POMGNT2: variants seen among roughly 807,000 people sequenced by gnomAD.
POMGNT2 encodes the protein protein O-linked-mannose beta-1,4-N-acetylglucosaminyltransferase 2.
In POMGNT2, 32 loss-of-function variants were observed where a neutral mutation model predicts 37.8. The ratio of observed to expected loss-of-function variants is 0.85; its 90% CI spans 0.64 to 1.14. The LOEUF (loss-of-function observed/expected upper bound fraction) is 1.14. Ranked by LOEUF, POMGNT2 falls within the 50% of genes most tolerant of loss-of-function variation. The pLI is 0.00. For synonymous variants in POMGNT2, 340 were observed against 336.8 expected, an observed-to-expected ratio of 1.01 and a Z score of -0.10; for missense variants, 705 against 780.6, an observed-to-expected ratio of 0.90 and a Z score of 1.15.
rs562762540 is a variant in POMGNT2 at position 43,085,508 on chromosome 3, C to T, written c.-105-3972G>A. The stretch of plus-strand genomic sequence containing the variant: ...AAACAGGAGTTTCTTTGCACAAGCT[C>T]TCTCTTTGCCTGCTGCCATTCACGT... On this transcript the variant is annotated intron_variant, in intron 1 of 1. Coordinates refer to ENST00000344697, the MANE Select transcript of POMGNT2 (RefSeq NM_032806.6). Among the ~76,000 whole-genome samples the T allele has an allele frequency of 7.5e-4, 104 of 138,824 alleles. 1 individual carries two copies. Among genetic ancestry groups the T allele is most frequent in the African/African-American group, 3.1e-3 (92 of 29,276 alleles). 91.1% of individuals were successfully genotyped at this position (138,824 alleles called of 152,430 possible).
chr3:43,105,226 CAT>C (rs2090049073), intron 1 of POMGNT2, among the ~76,000 whole-genome samples: 1 of 152,198 alleles, frequency 6.6e-6, no homozygotes, highest in Non-Finnish European at 1.5e-5. Context: ...TAAACACACA[CAT>C]GGAGTCAGGA....
At chr3:43,088,001 AT>A (rs1447426670) in intron 1 of POMGNT2, 4 of 152,222 alleles carry the variant, frequency 2.6e-5, no homozygotes, top group Admixed American at 6.5e-5. Context: ...GTATAGTTGA[AT>A]TTTGTGAATG....
chr3:43,097,772 T>C (rs986704750), intron 1 of POMGNT2, among the ~76,000 whole-genome samples: 4 of 152,222 alleles, frequency 2.6e-5, no homozygotes, highest in Admixed American at 6.5e-5. Flanking sequence ...CTATTTAAAA[T>C]GTGAAATGTC....
In POMGNT2 at chr3:43,080,085, G is replaced by A. The variant is rs1233083685; in HGVS notation, c.1347C>T (p.Asp449=). ...NPEWLFRIYQ[D]TKVDIPSLIQ... ...TGAGGGACGGGATGTCCACCTTGGT[G>A]TCCTGGTAGATTCGGAAGAGCCACT... Residue 449 remains aspartate (D), a synonymous_variant, in exon 2 of 2, where the codon GAC becomes GAT. Coordinates refer to ENST00000344697, the MANE Select transcript of POMGNT2 (RefSeq NM_032806.6). 4 of 1,613,870 alleles carry A rather than the reference G, an allele frequency of 2.5e-6. No homozygotes were observed. Among genetic ancestry groups the A allele is most frequent in the Non-Finnish European group, 2.5e-6 (3 of 1,179,982 alleles).
Position 43,080,363 on chromosome 3 carries a change from G to A in POMGNT2, c.1069C>T (p.Arg357Cys), listed in dbSNP as rs752268743. The change falls in exon 2 of 2, where the codon CGT becomes TGT. Residue 357 changes from arginine (R) to cysteine (C), a missense_variant. Arg to Cys is a radical substitution (Grantham distance 180, BLOSUM62 -3). Coordinates refer to ENST00000344697, the MANE Select transcript of POMGNT2 (RefSeq NM_032806.6). Reference protein sequence around the residue: ...AQLVTTLFLPRGATVVELFPY... With the variant: ...AQLVTTLFLPCGATVVELFPY... The stretch of plus-strand genomic sequence containing the variant: ...AAGAGCTCTACCACAGTTGCCCCAC[G>A]GGGCAGGAAGAGGGTGGTGACCAGC... 6.2e-6 allele frequency: 10 copies of A among 1,614,042 alleles called. No homozygotes were observed. The South Asian group carries it at 6.6e-5, about 11-fold the overall frequency.
intron 1 of POMGNT2, among the ~76,000 whole-genome samples, chr3:43,103,876 C>A (rs1454918884): frequency 6.6e-6 from 1 of 152,174 alleles, no homozygotes; most frequent in African/African-American, 2.4e-5. Flanking sequence ...CACAATTATA[C>A]CTACTTCACA....
intron 1 of POMGNT2, among the ~76,000 whole-genome samples, chr3:43,105,066 G>A (rs1263993280): frequency 6.6e-6 from 1 of 152,170 alleles, no homozygotes; most frequent in Non-Finnish European, 1.5e-5. Flanking sequence ...TTTTCCACGC[G>A]GAGCCTTGCT....
chr3:43,104,280 G>T (rs1471832288), intron 1 of POMGNT2, among the ~76,000 whole-genome samples: 1 of 152,230 alleles, frequency 6.6e-6, no homozygotes, highest in African/African-American at 2.4e-5. Flanking sequence ...GGTAGGTCCT[G>T]GGGGGAAAGT....
rs1451638510 is a variant in POMGNT2, at chr3:43,098,742, G to C, written c.-106+7094C>G. 6.6e-6 allele frequency among the ~76,000 whole-genome samples: 1 copy of C among 152,182 alleles called. No homozygotes were observed. Among genetic ancestry groups the C allele is most frequent in the Non-Finnish European group, 1.5e-5 (1 of 68,026 alleles). ...ATAGAAAAGGAACCCCTTCAAAGCA[G>C]GAAAAACTCCAACAGAATTCAAGTC... On this transcript the variant is annotated intron_variant, in intron 1 of 1. Transcript: ENST00000344697. The surrounding 1 kb of genome is among the most constrained non-coding windows in gnomAD (Gnocchi z 4.3).
In POMGNT2 at chr3:43,081,143, GGAA is replaced by G. The variant is rs767570675; in HGVS notation, c.286_288del (p.Phe96del). The G allele has an allele frequency of 2.4e-5, 38 of 1,614,124 alleles. No homozygotes were observed. Among genetic ancestry groups the G allele is most frequent in the South Asian group, 1.1e-5 (1 of 91,094 alleles). On this transcript the variant is annotated inframe_deletion, in exon 2 of 2. Transcript: ENST00000344697. ...GGCAGCATGACAGAGGTGTTGCCAT[GGAA>G]GAAGATGAACTCCTCAGCCTCGTTG...
chr3:43,080,354 T>G lies in POMGNT2; in HGVS notation c.1078A>C (p.Thr360Pro), dbSNP rs1358591609. 9 of 1,614,124 alleles carry G rather than the reference T, an allele frequency of 5.6e-6. No individual in the cohort carries two copies. The highest frequency in any genetic ancestry group is 6.8e-6 in the Non-Finnish European group (8 of 1,180,000). The change falls in exon 2 of 2, where the codon ACT becomes CCT. Residue 360 changes from threonine (T) to proline (P), a missense_variant. Thr to Pro is a conservative substitution (Grantham distance 38). Transcript: ENST00000344697. ...GCATATGGGAAGAGCTCTACCACAG[T>G]TGCCCCACGGGGCAGGAAGAGGGTG... The part of the protein sequence containing the change: ...VTTLFLPRGA[T>P]VVELFPYAVN...
Position 43,080,218 on chromosome 3 carries a change from G to C in POMGNT2, c.1214C>G (p.Pro405Arg), listed in dbSNP as rs1010499349. 1.9e-6 allele frequency: 3 copies of C among 1,614,048 alleles called. No homozygotes were observed. In the African/African-American group the frequency reaches 4.0e-5, roughly 22 times the overall value. Residue 405 changes from proline (P) to arginine (R), a missense_variant, in exon 2 of 2, where the codon CCT becomes CGT. Coordinates refer to ENST00000344697, the MANE Select transcript of POMGNT2 (RefSeq NM_032806.6). ...NMMPENTVTH[P>R]ERPWDQGGIT... ...GCCCCCCTGATCCCAGGGCCGCTCA[G>C]GGTGTGTGACTGTGTTCTCTGGCAT...
In POMGNT2 at chr3:43,086,850, G is replaced by A. The variant is rs188271019; in HGVS notation, c.-105-5314C>T. Among the ~76,000 whole-genome samples the A allele has an allele frequency of 1.2e-4, 18 of 152,282 alleles. 1 individual carries two copies. The highest frequency in any genetic ancestry group is 8.8e-5 in the Non-Finnish European group (6 of 68,030). On this transcript the variant is annotated intron_variant, in intron 1 of 1. Coordinates refer to ENST00000344697, the MANE Select transcript of POMGNT2 (RefSeq NM_032806.6). ...AGAAAGGAGAGGTGACTCCCACTCA[G>A]GCAATCATGTCTACCCAGAACCTTA...
intron 1 of POMGNT2, among the ~76,000 whole-genome samples, chr3:43,084,643 C>T (rs530174035): frequency 4.4e-5 from 6 of 135,746 alleles, no homozygotes; most frequent in South Asian, 5.4e-4. Flanking sequence ...AGCGAGACTC[C>T]GTCTCAAAAA....
In POMGNT2 at chr3:43,080,840, C is replaced by T. The variant is rs1473294405; in HGVS notation, c.592G>A (p.Gly198Ser). The T allele has an allele frequency of 4.3e-6, 7 of 1,613,938 alleles. No individual in the cohort carries two copies. In the African/African-American group the frequency reaches 8.0e-5, roughly 18 times the overall value. The change falls in exon 2 of 2, where the codon GGC becomes AGC. Residue 198 changes from glycine (G) to serine (S), a missense_variant. Coordinates refer to ENST00000344697, the MANE Select transcript of POMGNT2 (RefSeq NM_032806.6). ...TAGAGGTCGAAGTGTGCACCCTCGC[C>T]CCAGCCCTCCATGAAGAAGAGCCGT... ...EARLFFMEGW[G>S]EGAHFDLYKL... is the part of the protein sequence containing the mutation.
At chr3:43,100,895 T>C (rs1029092238) in intron 1 of POMGNT2, among the ~76,000 whole-genome samples, 1 of 152,184 alleles carries the variant, frequency 6.6e-6, no homozygotes, top group Non-Finnish European at 1.5e-5. Flanking sequence ...TCTGTACAAT[T>C]AGTCATTAAT....
chr3:43,086,545 T>G (rs1466568440), intron 1 of POMGNT2, among the ~76,000 whole-genome samples: 2 of 152,218 alleles, frequency 1.3e-5, no homozygotes, highest in African/African-American at 4.8e-5. Flanking sequence ...TGCATGTGAC[T>G]CTTCCCTATC....
chr3:43,083,258 C>A (rs2089870256), intron 1 of POMGNT2, among the ~76,000 whole-genome samples: 1 of 152,156 alleles, frequency 6.6e-6, no homozygotes, highest in Non-Finnish European at 1.5e-5. Flanking sequence ...AACAAAAAAC[C>A]TGCCCATAAT....
intron 1 of POMGNT2, among the ~76,000 whole-genome samples, chr3:43,092,968 A>G (rs2089954959): frequency 6.6e-6 from 1 of 152,220 alleles, no homozygotes; most frequent in South Asian, 2.1e-4. Context: ...ATAGCTTCCA[A>G]CAGAAGCTAA....
Sources: allele counts gnomAD v4.1 joint callset (sites outside exome capture counted in the v4.1 genomes callset), GRCh38; gene constraint gnomAD v4.1.1; non-coding constraint Gnocchi (gnomAD v3.1); transcripts MANE v1.5; gene names NCBI Gene and HGNC (gene_info 2026-07-23, HGNC 2026-07-21).